The following DNAH11 variants were observed in gnomAD, a reference collection of about 807,000 sequenced individuals.
DNAH11 encodes dynein axonemal heavy chain 11.
Under a neutral mutation model 526.0 loss-of-function variants are expected in DNAH11, and 442 were observed. The ratio of observed to expected loss-of-function variants is 0.84; its 90% CI spans 0.78 to 0.91. The LOEUF (loss-of-function observed/expected upper bound fraction) is 0.91, where lower values mean the gene tolerates loss of function less well. Ranked by LOEUF, DNAH11 falls within the 40% of genes least tolerant of loss-of-function variation. The pLI, the probability that DNAH11 is intolerant of heterozygous loss-of-function variation, is 0.00. For missense variants in DNAH11, 6,989 were observed against 5,448.7 expected (o/e 1.28, Z -8.90); for synonymous variants, 2,461 against 1,935.9 (o/e 1.27, Z -7.12).
chr7:21,585,706 T>C (rs902778194), intron 9 of DNAH11, among the ~76,000 whole-genome samples: 2 of 152,186 alleles, frequency 1.3e-5, no homozygotes, highest in Non-Finnish European at 2.9e-5. Context: ...GTGTATATGG[T>C]TTAGGTGGCC....
At chr7:21,701,388 C>A (rs1459047636) in intron 36 of DNAH11, among the ~76,000 whole-genome samples, 4 of 151,496 alleles carry the variant, frequency 2.6e-5, no homozygotes, top group Non-Finnish European at 5.9e-5. Context: ...CTTCCTGGCT[C>A]AAGCGATCTT....
chr7:21,795,337 T>C (rs932507003), intron 61 of DNAH11, among the ~76,000 whole-genome samples: 5 of 152,198 alleles, frequency 3.3e-5, no homozygotes, highest in African/African-American at 1.2e-4. Flanking sequence ...TCTGGTACTT[T>C]ATCATCTGCT....
Position 21,601,632 on chromosome 7 carries a change from T to A in DNAH11, c.3648+14T>A, listed in dbSNP as rs1173527634. The A allele has an allele frequency of 1.3e-6, 2 of 1,518,640 alleles. No individual in the cohort carries two copies. The highest frequency in any genetic ancestry group is 8.9e-7 in the Non-Finnish European group (1 of 1,129,220). The allele number at this position is 1,518,640 out of a possible 1,614,324, so 94.1% of individuals were successfully genotyped here. ...ATTCAGCTAGAGGTAAGTGCAGAGGTGAAATAATCATAATTACCATAAATT... is the reference window on the plus strand; with the variant it reads ...ATTCAGCTAGAGGTAAGTGCAGAGGAGAAATAATCATAATTACCATAAATT... On this transcript the variant is annotated intron_variant, in intron 18 of 81. Transcript: ENST00000409508.
intron 54 of DNAH11, among the ~76,000 whole-genome samples, chr7:21,759,077 C>T (rs960660391): frequency 2.0e-5 from 3 of 152,140 alleles, no homozygotes; most frequent in Admixed American, 1.3e-4. Flanking sequence ...TGGCTTGGAA[C>T]GCAGTCTGTG....
At chr7:21,557,831 T>C (rs931709604) in intron 2 of DNAH11, among the ~76,000 whole-genome samples, 1 of 152,194 alleles carries the variant, frequency 6.6e-6, no homozygotes, top group South Asian at 2.1e-4. Flanking sequence ...AGTTCTTATC[T>C]TGACTGTCAT....
intron 63 of DNAH11, among the ~76,000 whole-genome samples, chr7:21,814,941 C>A (rs1373654586): frequency 6.6e-6 from 1 of 152,040 alleles, no homozygotes; most frequent in Non-Finnish European, 1.5e-5. Context: ...ATCGAAACAT[C>A]CTAAAAATTT....
At chr7:21,579,993 A>G (rs545592648) in intron 8 of DNAH11, among the ~76,000 whole-genome samples, 2 of 152,328 alleles carry the variant, frequency 1.3e-5, no homozygotes, top group Non-Finnish European at 2.9e-5. Context: ...CCAAGTTTCT[A>G]TTAGGGTGTA....
rs79441407 is a variant in DNAH11 at position 21,866,213 on chromosome 7, C to A, written c.11497-257C>A. On this transcript the variant is annotated intron_variant, in intron 70 of 81. Transcript: ENST00000409508. ...AGAAGTACCCCCACCTCTCTCTTCT[C>A]CAGTCTTCCAGGCTCCTGCCATTGC... is the stretch of plus-strand genomic sequence containing the variant. 0.11 allele frequency among the ~76,000 whole-genome samples: 16,577 copies of A among 151,800 alleles called. 1,630 individuals carry two copies. Among genetic ancestry groups the A allele is most frequent in the African/African-American group, 0.26 (10,654 of 41,342 alleles).
rs750085479 is a variant in DNAH11 at position 21,591,585 on chromosome 7, C to G, written c.2667+8C>G. On this transcript the variant is annotated splice_region_variant and intron_variant, in intron 14 of 81. Coordinates refer to ENST00000409508, the MANE Select transcript of DNAH11 (RefSeq NM_001277115.2). The stretch of plus-strand genomic sequence containing the variant: ...ATCCACAACTTGGTCGAGGTAATGG[C>G]TTTTAACCTTTCAAGATTTATAGAT... 2 of 1,517,726 alleles carry G rather than the reference C, an allele frequency of 1.3e-6. No individual in the cohort carries two copies. Among genetic ancestry groups the G allele is most frequent in the South Asian group, 1.4e-5 (1 of 72,896 alleles). The allele number at this position is 1,517,726 out of a possible 1,614,324, so 94.0% of individuals were successfully genotyped here.
At chr7:21,610,307 C>T (rs1445342929) in intron 20 of DNAH11, among the ~76,000 whole-genome samples, 1 of 152,084 alleles carries the variant, frequency 6.6e-6, no homozygotes, top group East Asian at 1.9e-4. Context: ...TAAACATATT[C>T]CTGTTCTCAC....
At chr7:21,657,693 C>G (rs542205705) in intron 29 of DNAH11, among the ~76,000 whole-genome samples, 19 of 152,222 alleles carry the variant, frequency 1.2e-4, no homozygotes, top group African/African-American at 4.1e-4. Flanking sequence ...ATACCAGACC[C>G]CATTGGTTAG....
intron 36 of DNAH11, among the ~76,000 whole-genome samples, chr7:21,699,005 T>C (rs1427722022): frequency 1.3e-5 from 2 of 152,206 alleles, no homozygotes; most frequent in African/African-American, 4.8e-5. Flanking sequence ...TTTGTATTAA[T>C]ACTTTTTTAA....
intron 40 of DNAH11, among the ~76,000 whole-genome samples, chr7:21,709,829 A>G (rs778832438): frequency 2.6e-5 from 4 of 152,186 alleles, no homozygotes; most frequent in Admixed American, 1.3e-4. Context: ...GGCAAGTTCC[A>G]TTAGATACTG....
chr7:21,872,133 A>AAAAAAAAAAACAAAC, intron 73 of DNAH11, among the ~76,000 whole-genome samples: 1 of 142,898 alleles, frequency 7.0e-6, no homozygotes, highest in African/African-American at 2.6e-5. Flanking sequence ...CAAAAAAAAA[A>AAAAAAAAAAACAAAC]AAAAAAAAAA....
chr7:21,854,283 T>G (rs755721111), intron 67 of DNAH11, 32 bp from the exon 68 acceptor site: 8 of 1,608,646 alleles, frequency 5.0e-6, no homozygotes, highest in Admixed American at 1.7e-5. Context: ...GAAGAGTAAA[T>G]AAGTTACTTA....
chr7:21,867,480 T>G (rs1783324461), intron 71 of DNAH11, among the ~76,000 whole-genome samples: 1 of 152,214 alleles, frequency 6.6e-6, no homozygotes, highest in Non-Finnish European at 1.5e-5. Context: ...ATTTGTATAT[T>G]CATGAGAAGC....
chr7:21,569,066 T>G (rs1436079872), intron 6 of DNAH11, among the ~76,000 whole-genome samples: 1 of 152,178 alleles, frequency 6.6e-6, no homozygotes, highest in Non-Finnish European at 1.5e-5. Flanking sequence ...AGACACTAAA[T>G]GAATGATTTC....
At chr7:21,876,228 T>C (rs909398442) in intron 74 of DNAH11, among the ~76,000 whole-genome samples, 2 of 152,110 alleles carry the variant, frequency 1.3e-5, no homozygotes, top group Admixed American at 1.3e-4. Flanking sequence ...CTCTGAAATA[T>C]TAAGACTGAA....
chr7:21,783,907 A>C (rs1230698692), intron 57 of DNAH11, among the ~76,000 whole-genome samples: 1 of 152,214 alleles, frequency 6.6e-6, no homozygotes, highest in Non-Finnish European at 1.5e-5. Flanking sequence ...ATAGTTAGGC[A>C]TGCGATCCAT....
Sources: allele counts gnomAD v4.1 joint callset (sites outside exome capture counted in the v4.1 genomes callset), GRCh38; gene constraint gnomAD v4.1.1; transcripts MANE v1.5; gene names NCBI Gene and HGNC (gene_info 2026-07-23, HGNC 2026-07-21).